The following IPO5 variants were observed in gnomAD, a reference collection of about 807,000 sequenced individuals.
IPO5 encodes importin 5, also known as importin-5.
Under a neutral mutation model 143.3 loss-of-function variants are expected in IPO5, and 18 were observed. The observed-to-expected ratio is 0.13, with a 90% CI of 0.09 to 0.19. IPO5 has a LOEUF of 0.19. Ranked by LOEUF, IPO5 falls within the 10% of genes least tolerant of loss-of-function variation. The probability of loss-of-function intolerance (pLI) is 1.00; values close to 1 mark genes in which losing one functional copy is unlikely to be tolerated. For missense variants in IPO5, 1,013 were observed against 1,336.9 expected, an observed-to-expected ratio of 0.76 and a Z score of 3.78; for synonymous variants, 477 against 465.7, an observed-to-expected ratio of 1.02 and a Z score of -0.31.
At chr13:97,971,585 C>T (rs975745225) in intron 3 of IPO5, among the ~76,000 whole-genome samples, 3 of 152,050 alleles carry the variant, frequency 2.0e-5, no homozygotes, top group African/African-American at 4.8e-5. Flanking sequence ...ATAGAAAATA[C>T]GCAAGTAGAT....
At chr13:98,011,148 A>G (rs1203416336) in intron 20 of IPO5, among the ~76,000 whole-genome samples, 1 of 152,298 alleles carries the variant, frequency 6.6e-6, no homozygotes, top group Non-Finnish European at 1.5e-5. Context: ...TCTATAAATT[A>G]TAAACACTTT....
intron 3 of IPO5, chr13:97,970,046 T>C: frequency 2.1e-6 from 1 of 467,280 alleles, no homozygotes; most frequent in Non-Finnish European, 3.8e-6. Context: ...AGGACACCTA[T>C]GTGTAGCTAG....
At chr13:97,981,145 C>A in intron 4 of IPO5, 1 of 395,058 alleles carries the variant, frequency 2.5e-6, no homozygotes. Flanking sequence ...CAGTTTTCAG[C>A]ATTGTTAAGA....
intron 20 of IPO5, among the ~76,000 whole-genome samples, chr13:98,010,604 T>C (rs1432251251): frequency 6.6e-6 from 1 of 152,062 alleles, no homozygotes; most frequent in Non-Finnish European, 1.5e-5. Context: ...GTTCATGCTA[T>C]TTAATGTGAA....
At chr13:97,965,753 GTT>G (rs1484518673) in intron 2 of IPO5, among the ~76,000 whole-genome samples, 3 of 106,540 alleles carry the variant, frequency 2.8e-5, no homozygotes, top group Non-Finnish European at 5.4e-5. Context: ...TGTTCTAATA[GTT>G]TGTGTGTGTG....
intron 17 of IPO5, 82 bp from the exon 18 acceptor site, chr13:98,007,977 C>T (rs1212503671): frequency 2.6e-6 from 2 of 764,526 alleles, no homozygotes; most frequent in Non-Finnish European, 4.6e-6. Context: ...GCAATGTAGT[C>T]GATTTTTTGG....
intron 18 of IPO5, 116 bp from the exon 19 acceptor site, chr13:98,009,765 T>G: frequency 1.3e-6 from 1 of 781,908 alleles, no homozygotes; most frequent in Non-Finnish European, 2.0e-6. Flanking sequence ...TCTTACTGCT[T>G]AAAGTACTGT....
intron 28 of IPO5, 137 bp from the exon 29 acceptor site, chr13:98,021,599 T>C (rs1437683460): frequency 2.2e-6 from 1 of 448,350 alleles, no homozygotes; most frequent in Non-Finnish European, 3.9e-6. Flanking sequence ...ATTTCTTGCT[T>C]TTACAATGAT....
At chr13:97,979,014 A>G (rs1044714779) in intron 4 of IPO5, among the ~76,000 whole-genome samples, 1 of 152,244 alleles carries the variant, frequency 6.6e-6, no homozygotes, top group African/African-American at 2.4e-5. Flanking sequence ...TAAACTAAGT[A>G]CTGTGATACA....
chr13:97,976,311 G>A (rs1294676562), intron 3 of IPO5, among the ~76,000 whole-genome samples: 1 of 151,042 alleles, frequency 6.6e-6, no homozygotes, highest in Non-Finnish European at 1.5e-5. Context: ...CCCCGACCCC[G>A]ATCCCAGCCC....
intron 2 of IPO5, among the ~76,000 whole-genome samples, chr13:97,958,134 T>A (rs1284136073): frequency 1.3e-5 from 2 of 151,848 alleles, no homozygotes; most frequent in Non-Finnish European, 2.9e-5. Flanking sequence ...TCAGGTGGAG[T>A]TGTCTTGCAG....
intron 12 of IPO5, 143 bp downstream of exon 12, chr13:97,997,761 G>A (rs930397047): frequency 4.9e-6 from 2 of 410,538 alleles, no homozygotes; most frequent in South Asian, 1.1e-4. Flanking sequence ...ATTTATTGCT[G>A]TGTCACATGT....
intron 16 of IPO5, among the ~76,000 whole-genome samples, chr13:98,003,389 T>C (rs1325247178): frequency 6.6e-6 from 1 of 152,098 alleles, no homozygotes; most frequent in African/African-American, 2.4e-5. Context: ...GGTAAAAAAT[T>C]AGTGTGGTAG....
At position 97,965,223 on chromosome 13, in the gene IPO5, G is replaced by A. The variant is rs573971637; in HGVS notation, c.-112-4500G>A. Among the ~76,000 whole-genome samples the A allele has an allele frequency of 1.9e-3, 287 of 152,234 alleles. 1 individual carries two copies. Among genetic ancestry groups the A allele is most frequent in the African/African-American group, 6.6e-3 (276 of 41,526 alleles). Reference sequence around the variant, plus strand: ...GGGACAAGGGAAGGGAGAGCATTAGGACAAATACTTAATGCATGCAGGGCT... The same window carrying A: ...GGGACAAGGGAAGGGAGAGCATTAGAACAAATACTTAATGCATGCAGGGCT... On this transcript the variant is annotated intron_variant, in intron 2 of 28. Transcript: ENST00000651721.
At chr13:98,000,905 A>T in intron 13 of IPO5, 1 of 459,206 alleles carries the variant, frequency 2.2e-6, no homozygotes, top group Non-Finnish European at 3.9e-6. Flanking sequence ...TGTTTGAATC[A>T]TATACTCTTC....
intron 3 of IPO5, among the ~76,000 whole-genome samples, chr13:97,970,575 C>T (rs547019775): frequency 9.9e-5 from 15 of 152,204 alleles, no homozygotes; most frequent in African/African-American, 3.1e-4. Flanking sequence ...GAGCTGAAAT[C>T]GTGCCACTGC....
intron 9 of IPO5, among the ~76,000 whole-genome samples, chr13:97,991,642 CTG>C (rs915071628): frequency 1.3e-5 from 2 of 152,134 alleles, no homozygotes; most frequent in African/African-American, 4.8e-5. Context: ...AGTGACGTGT[CTG>C]TGTTCAAAAA....
intron 3 of IPO5, chr13:97,975,986 C>T: frequency 1.0e-6 from 1 of 984,724 alleles, no homozygotes; most frequent in Non-Finnish European, 1.2e-6. Flanking sequence ...GCGAGAAGTC[C>T]GTGAGTAGAA....
intron 6 of IPO5, among the ~76,000 whole-genome samples, chr13:97,986,651 A>G (rs2139668912): frequency 6.6e-6 from 1 of 152,278 alleles, no homozygotes; most frequent in Non-Finnish European, 1.5e-5. Context: ...CGCCTGGCCT[A>G]CTATGTACAT....
Sources: allele counts gnomAD v4.1 joint callset (sites outside exome capture counted in the v4.1 genomes callset), GRCh38; gene constraint gnomAD v4.1.1; transcripts MANE v1.5; gene names NCBI Gene and HGNC (gene_info 2026-07-23, HGNC 2026-07-21).